CCDC3: variants seen among roughly 807,000 people sequenced by gnomAD.
The protein encoded by CCDC3 is coiled-coil domain-containing protein 3.
CCDC3 carries 24 observed loss-of-function variants against 21.4 expected under a neutral mutation model. The ratio of observed to expected loss-of-function variants is 1.12; its 90% CI spans 0.81 to 1.58. The LOEUF (loss-of-function observed/expected upper bound fraction) is 1.58, where lower values mean the gene tolerates loss of function less well. Ranked by LOEUF, CCDC3 falls within the 40% of genes most tolerant of loss-of-function variation. The pLI is 0.00. For synonymous variants in CCDC3, 186 were observed against 166.0 expected (o/e 1.12, Z -0.93); for missense variants, 425 against 360.9 (o/e 1.18, Z -1.44).
chr10:13,084,290 T>TTC (rs1043342899), intron 3 of CCDC3, among the ~76,000 whole-genome samples: 6 of 150,294 alleles, frequency 4.0e-5, no homozygotes, highest in African/African-American at 7.3e-5. Flanking sequence ...TTCTTTTCTT[T>TTC]TTTTTTTTTT....
chr10:12,994,252 G>A (rs1835722659), intron 2 of CCDC3, among the ~76,000 whole-genome samples: 1 of 152,058 alleles, frequency 6.6e-6, no homozygotes, highest in Non-Finnish European at 1.5e-5. Context: ...ACAAAAATTA[G>A]CTGGGCATGG....
chr10:13,058,192 G>A, intron 4 of CCDC3: 1 of 1,160,790 alleles, frequency 8.6e-7, no homozygotes, highest in Non-Finnish European at 1.3e-6. Context: ...CTCCCTTCAG[G>A]GTGCCAAAAA....
intron 5 of CCDC3, among the ~76,000 whole-genome samples, chr10:13,039,838 T>G (rs139078954): frequency 1.3e-5 from 2 of 151,606 alleles, no homozygotes; most frequent in East Asian, 3.9e-4. Context: ...TTCTAGTTGT[T>G]ACAATAACTG....
intron 2 of CCDC3, among the ~76,000 whole-genome samples, chr10:12,921,387 C>T (rs1428230890): frequency 6.6e-6 from 1 of 152,184 alleles, no homozygotes; most frequent in East Asian, 1.9e-4. Flanking sequence ...AGCCCGGGGC[C>T]CAGAGCTGGC....
intron 5 of CCDC3, among the ~76,000 whole-genome samples, chr10:13,030,615 C>T (rs968327259): frequency 1.3e-5 from 2 of 151,862 alleles, no homozygotes; most frequent in Non-Finnish European, 2.9e-5. Context: ...TGCAGAGACA[C>T]ACATAGGCTC....
At chr10:12,987,984 G>C (rs149175282) in intron 2 of CCDC3, among the ~76,000 whole-genome samples, 3 of 151,606 alleles carry the variant, frequency 2.0e-5, no homozygotes, top group African/African-American at 7.3e-5. Context: ...TCAGCAATCT[G>C]TGGTTCACTC....
intron 2 of CCDC3, among the ~76,000 whole-genome samples, chr10:12,906,414 A>G (rs1834173009): frequency 6.6e-6 from 1 of 152,192 alleles, no homozygotes; most frequent in East Asian, 1.9e-4. Context: ...AGGCTGGGGC[A>G]GGAGTTTCCT....
chr10:12,940,976 A>G (rs924369294), intron 2 of CCDC3, among the ~76,000 whole-genome samples: 8 of 152,108 alleles, frequency 5.3e-5, no homozygotes, highest in African/African-American at 1.9e-4. Context: ...TCAGACATGT[A>G]TGAACCAGAG....
chr10:13,015,151 A>G (rs1452649996), intron 5 of CCDC3, among the ~76,000 whole-genome samples: 1 of 152,114 alleles, frequency 6.6e-6, no homozygotes, highest in African/African-American at 2.4e-5. Context: ...GGTTGACTTC[A>G]GTGGTAGCTA....
At chr10:13,041,483 A>G (rs1486130604) in intron 5 of CCDC3, among the ~76,000 whole-genome samples, 2 of 114,480 alleles carry the variant, frequency 1.7e-5, no homozygotes, top group Non-Finnish European at 3.5e-5. Flanking sequence ...GTGTAAGTTC[A>G]CTCCAAGTGT....
At chr10:13,085,902 G>C (rs749449484) in intron 3 of CCDC3, among the ~76,000 whole-genome samples, 11 of 151,964 alleles carry the variant, frequency 7.2e-5, no homozygotes, top group Non-Finnish European at 1.5e-4. Context: ...GGGAGCTGGG[G>C]GTTGCAGTGA....
intron 2 of CCDC3, among the ~76,000 whole-genome samples, chr10:12,966,278 G>GGTGCTCAGTTACCAGCCTTACTCAT (rs1385201578): frequency 1.3e-5 from 2 of 151,792 alleles, no homozygotes; most frequent in Non-Finnish European, 1.5e-5. Context: ...ATTACTATAT[G>GGTGCTCAGTTACCAGCCTTACTCAT]AGCAAGGTTG....
At chr10:13,012,892 C>A (rs1398676874) in intron 5 of CCDC3, among the ~76,000 whole-genome samples, 1 of 151,986 alleles carries the variant, frequency 6.6e-6, no homozygotes, top group Non-Finnish European at 1.5e-5. Flanking sequence ...GCATGTGTAC[C>A]CTGAACCTAA....
chr10:12,943,600 A>G (rs1053210876), intron 2 of CCDC3, among the ~76,000 whole-genome samples: 2 of 152,088 alleles, frequency 1.3e-5, no homozygotes, highest in African/African-American at 2.4e-5. Context: ...GGCAGGCAAC[A>G]TGGCGCTGCC....
chr10:13,000,564 C>T (rs1212804624), intron 1 of CCDC3, among the ~76,000 whole-genome samples: 1 of 152,214 alleles, frequency 6.6e-6, no homozygotes, highest in Admixed American at 6.5e-5. Context: ...TTTCAAAGAA[C>T]CTGGCAGCTG....
intron 3 of CCDC3, among the ~76,000 whole-genome samples, chr10:13,090,200 T>G (rs1457176208): frequency 6.6e-6 from 1 of 150,454 alleles, no homozygotes; most frequent in Non-Finnish European, 1.5e-5. Context: ...GCGAGTCCCC[T>G]GCCTCAGCCT....
chr10:13,011,185 G>GA (rs1201426446), intron 5 of CCDC3, among the ~76,000 whole-genome samples: 108,752 of 138,090 alleles, frequency 0.79, 43,239 homozygotes, highest in Non-Finnish European at 0.86. Flanking sequence ...TGTCTCAGAA[G>GA]AAAAAAAAAA....
intron 4 of CCDC3, among the ~76,000 whole-genome samples, chr10:13,056,824 A>G (rs1836686609): frequency 6.6e-6 from 1 of 152,154 alleles, no homozygotes; most frequent in Non-Finnish European, 1.5e-5. Flanking sequence ...TTTAACAGAC[A>G]CCAAACAAAA....
chr10:13,077,942 G>A (rs1249283867), intron 3 of CCDC3, among the ~76,000 whole-genome samples: 1 of 152,186 alleles, frequency 6.6e-6, no homozygotes, highest in Non-Finnish European at 1.5e-5. Context: ...TCAGGACATA[G>A]GCATGGGCAA....
Sources: gnomAD v4.1 joint callset for allele counts (sites outside exome capture counted in the v4.1 genomes callset) on GRCh38, gnomAD v4.1.1 for gene constraint, MANE v1.5 for transcripts, NCBI Gene and HGNC (gene_info 2026-07-23, HGNC 2026-07-21) for gene names.